PTPRM: variants seen among roughly 807,000 people sequenced by gnomAD.
The protein encoded by PTPRM is receptor-type tyrosine-protein phosphatase mu.
A neutral mutation model predicts 186.7 loss-of-function variants in PTPRM; 47 were observed. The ratio of observed to expected loss-of-function variants is 0.25; its 90% CI spans 0.20 to 0.32. The LOEUF is 0.32. Ranked by LOEUF, PTPRM falls within the 10% of genes least tolerant of loss-of-function variation. The pLI is 1.00. For missense variants in PTPRM, 1,494 were observed against 1,865.0 expected, an observed-to-expected ratio of 0.80 and a Z score of 3.66; for synonymous variants, 668 against 674.9, an observed-to-expected ratio of 0.99 and a Z score of 0.16.
At chr18:7,960,146 G>A (rs1823154729) in intron 7 of PTPRM, among the ~76,000 whole-genome samples, 2 of 152,074 alleles carry the variant, frequency 1.3e-5, no homozygotes, top group African/African-American at 4.8e-5. Context: ...GTTATTAACT[G>A]TGGTTAAGTG....
intron 14 of PTPRM, among the ~76,000 whole-genome samples, chr18:8,202,196 A>G (rs1456647306): frequency 6.6e-6 from 1 of 152,212 alleles, no homozygotes; most frequent in African/African-American, 2.4e-5. Flanking sequence ...TTATTATAAG[A>G]TCTCATACGA....
At chr18:8,207,409 G>A (rs2093946581) in intron 14 of PTPRM, among the ~76,000 whole-genome samples, 1 of 152,124 alleles carries the variant, frequency 6.6e-6, no homozygotes, top group South Asian at 2.1e-4. Context: ...ATGGTCACGG[G>A]ATTATATATG....
chr18:7,661,075 A>ATG (rs2038969579), intron 1 of PTPRM, among the ~76,000 whole-genome samples: 1 of 152,238 alleles, frequency 6.6e-6, no homozygotes, highest in Non-Finnish European at 1.5e-5. Flanking sequence ...TACAGCAGAA[A>ATG]TATGTTTTGA....
At chr18:7,746,244 A>G (rs1204771516) in intron 1 of PTPRM, among the ~76,000 whole-genome samples, 1 of 30,570 alleles carries the variant, frequency 3.3e-5, no homozygotes, top group Non-Finnish European at 6.4e-5. Flanking sequence ...GAACAGCCAG[A>G]AAAAAAAGAC....
chr18:8,237,431 A>ATTTTTTTTTTTT (rs59073560), intron 14 of PTPRM, among the ~76,000 whole-genome samples: 2 of 71,664 alleles, frequency 2.8e-5, no homozygotes, highest in African/African-American at 5.0e-5. Context: ...GATTCCCTCA[A>ATTTTTTTTTTTT]TTTTTTTTTT....
chr18:8,237,431 A>ATTTTTTTTTT (rs59073560), intron 14 of PTPRM, among the ~76,000 whole-genome samples: 2 of 71,672 alleles, frequency 2.8e-5, no homozygotes, highest in African/African-American at 5.0e-5. Context: ...GATTCCCTCA[A>ATTTTTTTTTT]TTTTTTTTTT....
chr18:8,357,947 G>C (rs2095572373), intron 23 of PTPRM, among the ~76,000 whole-genome samples: 1 of 152,038 alleles, frequency 6.6e-6, no homozygotes, highest in Admixed American at 6.6e-5. Context: ...CTTATTGAAG[G>C]CTTATTCAGT....
At chr18:7,761,643 C>A (rs1002728175) in intron 1 of PTPRM, among the ~76,000 whole-genome samples, 8 of 152,262 alleles carry the variant, frequency 5.3e-5, no homozygotes, top group Admixed American at 5.2e-4. Flanking sequence ...TTCCTGTTGG[C>A]TCTTACAGCA....
At chr18:7,896,206 T>C (rs891464504) in intron 3 of PTPRM, among the ~76,000 whole-genome samples, 2 of 152,164 alleles carry the variant, frequency 1.3e-5, no homozygotes, top group Non-Finnish European at 2.9e-5. Flanking sequence ...ATTTAGACAT[T>C]GATTTTTTGC....
chr18:7,702,150 T>TGTGTGC (rs1568038872), intron 1 of PTPRM, among the ~76,000 whole-genome samples: 1 of 152,224 alleles, frequency 6.6e-6, no homozygotes, highest in East Asian at 1.9e-4. Flanking sequence ...ACAGTAAACA[T>TGTGTGC]ATGTGTGCAT....
chr18:8,178,256 G>A (rs1476340411), intron 14 of PTPRM, among the ~76,000 whole-genome samples: 2 of 152,192 alleles, frequency 1.3e-5, no homozygotes, highest in African/African-American at 4.8e-5. Flanking sequence ...AGCAAGGTTA[G>A]TCTAAATTGC....
At chr18:7,794,320 C>T (rs1408772896) in intron 2 of PTPRM, among the ~76,000 whole-genome samples, 1 of 152,200 alleles carries the variant, frequency 6.6e-6, no homozygotes, top group Non-Finnish European at 1.5e-5. Flanking sequence ...ACATTCACCC[C>T]TAGACACTGC....
chr18:7,873,427 G>C (rs920457791), intron 2 of PTPRM, among the ~76,000 whole-genome samples: 2 of 152,148 alleles, frequency 1.3e-5, no homozygotes, highest in African/African-American at 4.8e-5. Context: ...ATTACAATCT[G>C]CTTTTCTGTG....
At chr18:7,694,528 G>A (rs967719691) in intron 1 of PTPRM, among the ~76,000 whole-genome samples, 1 of 150,942 alleles carries the variant, frequency 6.6e-6, no homozygotes, top group Non-Finnish European at 1.5e-5. Context: ...CCGGGTTCAA[G>A]TGATTCTCCT....
At chr18:7,836,641 G>A (rs1389161319) in intron 2 of PTPRM, among the ~76,000 whole-genome samples, 1 of 152,048 alleles carries the variant, frequency 6.6e-6, no homozygotes, top group Non-Finnish European at 1.5e-5. Flanking sequence ...TTCTAATCGA[G>A]GTACTCCCTT....
At chr18:7,981,713 CAT>C (rs1033538758) in intron 7 of PTPRM, among the ~76,000 whole-genome samples, 6 of 152,180 alleles carry the variant, frequency 3.9e-5, no homozygotes, top group Admixed American at 3.9e-4. Flanking sequence ...CTGTGAACAT[CAT>C]AGAGTGTACT....
intron 15 of PTPRM, 63 bp from the exon 16 acceptor site, chr18:8,247,782 C>A: frequency 1.6e-6 from 2 of 1,228,978 alleles, no homozygotes; most frequent in Non-Finnish European, 2.4e-6. Context: ...GGTCTCAGAG[C>A]ATTGTGTGTT....
chr18:8,306,669 A>C (rs2095225444), intron 20 of PTPRM, among the ~76,000 whole-genome samples: 2 of 152,222 alleles, frequency 1.3e-5, no homozygotes, highest in Non-Finnish European at 2.9e-5. Flanking sequence ...TGAGTTTTCC[A>C]AACTTTTTCC....
intron 14 of PTPRM, among the ~76,000 whole-genome samples, chr18:8,165,875 T>TA (rs1225522259): frequency 1.3e-5 from 2 of 151,930 alleles, no homozygotes; most frequent in Non-Finnish European, 2.9e-5. Context: ...TGATTTTTTT[T>TA]AAATGTAAGA....
Sources: allele counts gnomAD v4.1 joint callset (sites outside exome capture counted in the v4.1 genomes callset), GRCh38; gene constraint gnomAD v4.1.1; transcripts MANE v1.5; gene names NCBI Gene and HGNC (gene_info 2026-07-23, HGNC 2026-07-21).